NBAS: variants seen among roughly 807,000 people sequenced by gnomAD.
The protein encoded by NBAS is NAG/BC035112 fusion.
A neutral mutation model predicts 302.5 loss-of-function variants in NBAS; 219 were observed. The observed-to-expected ratio is 0.72, with a 90% CI of 0.65 to 0.81. The LOEUF (loss-of-function observed/expected upper bound fraction) is 0.81. Ranked by LOEUF, NBAS falls within the 30% of genes least tolerant of loss-of-function variation. The probability of loss-of-function intolerance (pLI) is 0.00; values close to 1 mark genes in which losing one functional copy is unlikely to be tolerated. For synonymous variants in NBAS, 1,118 were observed against 1,021.6 expected, an observed-to-expected ratio of 1.09 and a Z score of -1.80; for missense variants, 2,932 against 2,841.6, an observed-to-expected ratio of 1.03 and a Z score of -0.72.
chr2:15,184,085 T>C (rs1664956162), intron 50 of NBAS, among the ~76,000 whole-genome samples: 1 of 152,184 alleles, frequency 6.6e-6, no homozygotes, highest in African/African-American at 2.4e-5. Context: ...CATTCATCAG[T>C]AAAAAGAACA....
chr2:14,924,075 C>G, the NBAS span, among the ~76,000 whole-genome samples: 43 of 152,082 alleles, frequency 2.8e-4, no homozygotes, highest in Admixed American at 1.8e-3. Flanking sequence ...CATCTGCCAC[C>G]ACATCTTCCT....
At chr2:15,276,757 G>C in intron 43 of NBAS, 94 bp downstream of exon 43, 3 of 1,585,324 alleles carry the variant, frequency 1.9e-6, no homozygotes, top group Non-Finnish European at 1.7e-6. Context: ...TCAGAGCTCT[G>C]CAACCATAAT....
At chr2:15,561,081 G>T in intron 1 of NBAS, 107 bp downstream of exon 1, 1 of 724,198 alleles carries the variant, frequency 1.4e-6, no homozygotes, top group Non-Finnish European at 2.2e-6. Context: ...ACCGGCCCTA[G>T]TCCCCCACCC....
the NBAS span, among the ~76,000 whole-genome samples, chr2:14,956,172 T>C: frequency 6.6e-6 from 1 of 152,178 alleles, no homozygotes; most frequent in African/African-American, 2.4e-5. Flanking sequence ...CAAGAGTCAC[T>C]TTTATTCCAG....
At chr2:15,039,299 T>C in the NBAS span, among the ~76,000 whole-genome samples, 9 of 152,184 alleles carry the variant, frequency 5.9e-5, no homozygotes, top group African/African-American at 2.2e-4. Context: ...AATGGGGATG[T>C]CTGGAAGCCA....
At chr2:15,104,882 C>T in the NBAS span, among the ~76,000 whole-genome samples, 1 of 152,106 alleles carries the variant, frequency 6.6e-6, no homozygotes. Flanking sequence ...ATCTTTCACC[C>T]ATTTTTTTGA....
intron 9 of NBAS, among the ~76,000 whole-genome samples, chr2:15,524,043 T>G (rs552983649): frequency 6.6e-6 from 1 of 152,360 alleles, no homozygotes; most frequent in South Asian, 2.1e-4. Context: ...TTTCAAATGA[T>G]TTTTTGGCAT....
the NBAS span, among the ~76,000 whole-genome samples, chr2:15,098,432 A>ATATATTG: frequency 4.5e-5 from 4 of 89,136 alleles, no homozygotes; most frequent in African/African-American, 1.9e-4. Context: ...ATTATATATT[A>ATATATTG]TATATTGTAT....
At chr2:15,160,657 T>C in the NBAS span, among the ~76,000 whole-genome samples, 2 of 151,536 alleles carry the variant, frequency 1.3e-5, no homozygotes, top group African/African-American at 4.9e-5. Flanking sequence ...AATCTCTGAT[T>C]GCCTGCACCC....
chr2:15,529,779 T>C (rs1663131816), intron 9 of NBAS, among the ~76,000 whole-genome samples: 1 of 152,174 alleles, frequency 6.6e-6, no homozygotes, highest in Non-Finnish European at 1.5e-5. Flanking sequence ...AATGTGAAGC[T>C]AGGTGCAGAA....
chr2:15,416,658 T>C (rs190843729), intron 24 of NBAS, among the ~76,000 whole-genome samples: 2 of 151,658 alleles, frequency 1.3e-5, no homozygotes, highest in East Asian at 3.9e-4. Context: ...ATGCAAAAAT[T>C]AGCCTGGTGT....
At chr2:15,152,038 G>T in the NBAS span, among the ~76,000 whole-genome samples, 4 of 151,960 alleles carry the variant, frequency 2.6e-5, no homozygotes, top group African/African-American at 9.7e-5. Context: ...TTAGTAGAGA[G>T]GGGGTTTCAC....
the NBAS span, among the ~76,000 whole-genome samples, chr2:14,952,942 C>T: frequency 6.6e-6 from 1 of 152,190 alleles, no homozygotes; most frequent in African/African-American, 2.4e-5. Context: ...AGCATGTCAG[C>T]CCTGGCTGCC....
chr2:14,804,027 T>C, the NBAS span, among the ~76,000 whole-genome samples: 6 of 152,194 alleles, frequency 3.9e-5, no homozygotes, highest in Non-Finnish European at 1.5e-5. Context: ...AGTACACAAA[T>C]TTTAAATATA....
intron 40 of NBAS, among the ~76,000 whole-genome samples, chr2:15,294,484 T>C (rs1558510567): frequency 6.6e-6 from 1 of 152,268 alleles, no homozygotes; most frequent in Middle Eastern, 3.4e-3. Context: ...TCTTAGTGCA[T>C]CTATGGCTGA....
At chr2:14,967,023 A>G in the NBAS span, among the ~76,000 whole-genome samples, 1 of 152,224 alleles carries the variant, frequency 6.6e-6, no homozygotes, top group South Asian at 2.1e-4. Flanking sequence ...CTGATAAACA[A>G]TTAGAAATTT....
At chr2:15,043,482 G>T in the NBAS span, among the ~76,000 whole-genome samples, 1 of 152,094 alleles carries the variant, frequency 6.6e-6, no homozygotes, top group Non-Finnish European at 1.5e-5. Flanking sequence ...GCAAGCTAAG[G>T]TCCAACCATC....
the NBAS span, among the ~76,000 whole-genome samples, chr2:15,124,521 C>T: frequency 6.6e-6 from 1 of 152,306 alleles, no homozygotes; most frequent in Non-Finnish European, 1.5e-5. Context: ...GTCCTAACAT[C>T]CAAGACAATG....
chr2:15,480,506 G>C (rs1331263345), intron 12 of NBAS, among the ~76,000 whole-genome samples: 4 of 152,034 alleles, frequency 2.6e-5, no homozygotes, highest in Non-Finnish European at 5.9e-5. Flanking sequence ...AAAAGGTATA[G>C]GGGCCTTCGA....
Sources: allele counts gnomAD v4.1 joint callset (sites outside exome capture counted in the v4.1 genomes callset), GRCh38; gene constraint gnomAD v4.1.1; transcripts MANE v1.5; gene names NCBI Gene and HGNC (gene_info 2026-07-23, HGNC 2026-07-21).